The following COMMD1 variants were observed in gnomAD, a reference collection of about 807,000 sequenced individuals.
COMMD1 encodes the protein copper metabolism domain containing 1.
Under a neutral mutation model 17.2 loss-of-function variants are expected in COMMD1, and 10 were observed. That is an observed-to-expected ratio of 0.58 (90% CI 0.36 to 0.99). The LOEUF (loss-of-function observed/expected upper bound fraction) is 0.99, where lower values mean the gene tolerates loss of function less well. Ranked by LOEUF, COMMD1 falls within the 50% of genes least tolerant of loss-of-function variation. The pLI is 0.01. For synonymous variants in COMMD1, 97 were observed against 91.6 expected, an observed-to-expected ratio of 1.06 and a Z score of -0.34; for missense variants, 270 against 231.8, an observed-to-expected ratio of 1.17 and a Z score of -1.07.
chr2:61,970,057 G>A (rs549265991), intron 1 of COMMD1, among the ~76,000 whole-genome samples: 8 of 152,160 alleles, frequency 5.3e-5, no homozygotes, highest in Admixed American at 3.3e-4. Flanking sequence ...AGGAGTTCGA[G>A]ACCAGCCTGG....
At chr2:61,925,774 GTTA>G (rs1438510454) in intron 1 of COMMD1, among the ~76,000 whole-genome samples, 1 of 152,058 alleles carries the variant, frequency 6.6e-6, no homozygotes, top group African/African-American at 2.4e-5. Context: ...ATTCCTCAAA[GTTA>G]TTTTCTTTTC....
chr2:62,110,955 G>A (rs1290368921), intron 2 of COMMD1, among the ~76,000 whole-genome samples: 1 of 152,028 alleles, frequency 6.6e-6, no homozygotes, highest in Non-Finnish European at 1.5e-5. Flanking sequence ...AAAAAGAGTG[G>A]GGAAAGGCCC....
At chr2:62,040,100 A>G (rs144939754) in intron 2 of COMMD1, among the ~76,000 whole-genome samples, 2 of 152,252 alleles carry the variant, frequency 1.3e-5, no homozygotes, top group Non-Finnish European at 2.9e-5. Context: ...AAAAATTACA[A>G]TAATTAGCTG....
At chr2:62,036,072 ACAC>A (rs1670032238) in intron 2 of COMMD1, among the ~76,000 whole-genome samples, 2 of 152,018 alleles carry the variant, frequency 1.3e-5, no homozygotes, top group African/African-American at 4.8e-5. Flanking sequence ...ACACACACAC[ACAC>A]ACACACACAC....
chr2:62,044,534 T>C (rs1047138277), intron 2 of COMMD1, among the ~76,000 whole-genome samples: 25 of 152,244 alleles, frequency 1.6e-4, no homozygotes, highest in Non-Finnish European at 3.4e-4. Flanking sequence ...AGTTCTTTAA[T>C]ATATTTTGCT....
At position 61,951,243 on chromosome 2, in the gene COMMD1, A is replaced by G. The variant is rs115056650; in HGVS notation, c.180+45385A>G. On this transcript the variant is annotated intron_variant, in intron 1 of 2. Coordinates refer to ENST00000311832, the MANE Select transcript of COMMD1 (RefSeq NM_152516.4). The stretch of plus-strand genomic sequence containing the variant: ...CTTCGGGAGGTGGAGGCGGGTGGAT[A>G]GGTTGAGGCCAGGAGTTCAAGACCA... Among the ~76,000 whole-genome samples the G allele has an allele frequency of 7.1e-3, 1,086 of 152,200 alleles. 19 individuals are homozygous for G. The highest frequency in any genetic ancestry group is 0.024 in the African/African-American group (1,017 of 41,534).
upstream of COMMD1, among the ~76,000 whole-genome samples, chr2:61,902,190 T>A (rs545642901): frequency 1.4e-4 from 22 of 151,826 alleles, 2 homozygotes; most frequent in South Asian, 4.6e-3. Flanking sequence ...GCACTAATAT[T>A]TCTATGCATA....
chr2:62,079,599 G>T, intron 2 of COMMD1: 1 of 152,518 alleles, frequency 6.6e-6, no homozygotes, highest in South Asian at 2.0e-4. Context: ...GAACACCTCT[G>T]ACACCCTGGC....
At chr2:62,007,520 G>A (rs778958710) in intron 2 of COMMD1, among the ~76,000 whole-genome samples, 2 of 152,086 alleles carry the variant, frequency 1.3e-5, no homozygotes, top group African/African-American at 4.8e-5. Context: ...TCACATATAC[G>A]ATAGTTGTCC....
intron 1 of COMMD1, among the ~76,000 whole-genome samples, chr2:61,983,816 A>G (rs1473932604): frequency 6.6e-6 from 1 of 152,118 alleles, no homozygotes; most frequent in African/African-American, 2.4e-5. Flanking sequence ...ATAGTTTTCT[A>G]CATTTCAACT....
At chr2:61,975,581 T>C (rs1671779602) in intron 1 of COMMD1, among the ~76,000 whole-genome samples, 1 of 152,206 alleles carries the variant, frequency 6.6e-6, no homozygotes, top group Admixed American at 6.5e-5. Flanking sequence ...TTTTTTTATA[T>C]GATCTTTCTG....
upstream of COMMD1, among the ~76,000 whole-genome samples, chr2:61,903,443 C>CAA (rs773444105): frequency 1.5e-4 from 16 of 110,020 alleles, no homozygotes; most frequent in African/African-American, 5.3e-4. Context: ...AACTTTGTCT[C>CAA]AAAAAAAAAA....
At chr2:62,022,370 A>T (rs1273031761) in intron 2 of COMMD1, among the ~76,000 whole-genome samples, 4 of 143,192 alleles carry the variant, frequency 2.8e-5, no homozygotes, top group African/African-American at 7.7e-5. Flanking sequence ...TTGAATTTTG[A>T]TTATAAAGAA....
At chr2:62,042,566 G>C (rs557396379) in intron 2 of COMMD1, among the ~76,000 whole-genome samples, 1 of 152,118 alleles carries the variant, frequency 6.6e-6, no homozygotes, top group East Asian at 1.9e-4. Flanking sequence ...CGGAACCCGC[G>C]AGCGCCGAGC....
chr2:62,121,369 C>T (rs55907305), intron 2 of COMMD1, among the ~76,000 whole-genome samples: 1 of 24,600 alleles, frequency 4.1e-5, no homozygotes, highest in African/African-American at 2.7e-4. Context: ...GAGACTCTTT[C>T]TCAAAAAAAA....
intron 2 of COMMD1, among the ~76,000 whole-genome samples, chr2:62,134,483 T>G (rs1188765154): frequency 6.6e-6 from 1 of 152,118 alleles, no homozygotes; most frequent in Non-Finnish European, 1.5e-5. Context: ...AAATTTATCC[T>G]TGTCTCTCAA....
At chr2:62,112,113 G>A (rs1329885609) in intron 2 of COMMD1, among the ~76,000 whole-genome samples, 1 of 152,182 alleles carries the variant, frequency 6.6e-6, no homozygotes, top group Non-Finnish European at 1.5e-5. Context: ...AGGTTAAGAA[G>A]GGCTTACTGT....
intron 2 of COMMD1, among the ~76,000 whole-genome samples, chr2:62,029,901 T>C (rs1192005687): frequency 6.6e-6 from 1 of 152,146 alleles, no homozygotes; most frequent in Admixed American, 6.5e-5. Context: ...GATTGATTAA[T>C]AGGAAAAAAG....
chr2:61,924,149 A>G (rs1178403535), intron 1 of COMMD1, among the ~76,000 whole-genome samples: 1 of 152,170 alleles, frequency 6.6e-6, no homozygotes, highest in Non-Finnish European at 1.5e-5. Context: ...GTCACTCTGC[A>G]GTGTTTCAGG....
Sources: gnomAD v4.1 joint callset for allele counts (sites outside exome capture counted in the v4.1 genomes callset) on GRCh38, gnomAD v4.1.1 for gene constraint, MANE v1.5 for transcripts, NCBI Gene and HGNC (gene_info 2026-07-23, HGNC 2026-07-21) for gene names.